HDAC4: variants seen among roughly 807,000 people sequenced by gnomAD.
HDAC4 encodes the protein histone deacetylase A.
In HDAC4, 16 loss-of-function variants were observed where a neutral mutation model predicts 135.1. The ratio of observed to expected loss-of-function variants is 0.12; its 90% CI spans 0.08 to 0.18. The LOEUF (loss-of-function observed/expected upper bound fraction) is 0.18. HDAC4 is among the 10% of genes least tolerant of loss of function. The pLI is 1.00. For missense variants in HDAC4, 1,143 were observed against 1,511.8 expected (o/e 0.76, Z 4.05); for synonymous variants, 685 against 653.4 (o/e 1.05, Z -0.74).
rs2152721548 is a variant in HDAC4, at chr2:239,090,025, G to A, written c.2372C>T (p.Ala791Val). Reference protein sequence around the residue: ...GCVVELVFKVATGELKNGFAV... With the variant: ...GCVVELVFKVVTGELKNGFAV... ...CCGACTGACCTTCAGCTCCCCTGTG[G>A]CCACCTTGAAGACCAGCTCTACCAC... Residue 791 changes from alanine (A) to valine (V), a missense_variant, in exon 18 of 27, where the codon GCC (alanine) becomes GTC (valine). By Grantham distance (64) the Ala-to-Val change is moderately conservative. Around this residue, in one of 9 missense-constraint regions of HDAC4, gnomAD observed 189 missense variants for 317.6 expected, o/e 0.60. Coordinates refer to ENST00000543185, the MANE Select transcript of HDAC4 (RefSeq NM_001378414.1). 2 of 1,613,466 alleles carry A rather than the reference G, an allele frequency of 1.2e-6. No homozygotes were observed. Among genetic ancestry groups the A allele is most frequent in the Non-Finnish European group, 1.7e-6 (2 of 1,179,618 alleles).
chr2:239,243,395 G>A lies in HDAC4; in HGVS notation c.23-6731C>T, dbSNP rs532348941. ...TCTCGATCTCCTGACCTTGTGATCC[G>A]CCTGCCTCGGCCTCCCAAAGTGCTG... On this transcript the variant is annotated intron_variant, in intron 2 of 26. Coordinates refer to ENST00000543185, the MANE Select transcript of HDAC4 (RefSeq NM_001378414.1). Among the ~76,000 whole-genome samples, 13 of 152,214 alleles carry A rather than the reference G, an allele frequency of 8.5e-5. 1 individual carries two copies. Among genetic ancestry groups the A allele is most frequent in the Middle Eastern group, 3.4e-3 (1 of 294 alleles).
Position 239,303,120 on chromosome 2 carries a change from A to G in HDAC4, c.22+49558T>C, listed in dbSNP as rs984709918. ...CTCAGGGTTCAGGGTGGGCCCCTGG[A>G]TTCAAAGTGGCAACAGAGCCTGACT... On this transcript the variant is annotated intron_variant, in intron 2 of 26. Coordinates refer to ENST00000543185, the MANE Select transcript of HDAC4 (RefSeq NM_001378414.1). The surrounding 1 kb of genome is among the most constrained non-coding windows in gnomAD (Gnocchi z 5.1). 1.4e-4 allele frequency among the ~76,000 whole-genome samples: 21 copies of G among 152,110 alleles called. No homozygotes were observed. Among genetic ancestry groups the G allele is most frequent in the African/African-American group, 4.1e-4 (17 of 41,426 alleles).
chr2:239,368,204 A>G (rs996510214), intron 1 of HDAC4, among the ~76,000 whole-genome samples: 1 of 151,956 alleles, frequency 6.6e-6, no homozygotes, highest in Non-Finnish European at 1.5e-5. Context: ...AGGGCTCCGG[A>G]GTTTGAGAAC....
At position 239,233,596 on chromosome 2, in the gene HDAC4, C is replaced by T. The variant is rs72988697; in HGVS notation, c.94+2997G>A. 8.0e-3 allele frequency among the ~76,000 whole-genome samples: 1,221 copies of T among 152,182 alleles called. 7 individuals are homozygous for T. The highest frequency in any genetic ancestry group is 0.013 in the Non-Finnish European group (857 of 67,998). On this transcript the variant is annotated intron_variant, in intron 3 of 26. Coordinates refer to ENST00000543185, the MANE Select transcript of HDAC4 (RefSeq NM_001378414.1). ...GTTTCTAAAATCTCAAGATGGCACA[C>T]GAATACATGGTATGAATAATGCTTT...
chr2:239,330,706 G>C (rs754949837), intron 2 of HDAC4, among the ~76,000 whole-genome samples: 80 of 152,344 alleles, frequency 5.3e-4, no homozygotes, highest in Non-Finnish European at 1.0e-3. Flanking sequence ...ATGAGGCCTG[G>C]CCTTCTACAG....
intron 5 of HDAC4, among the ~76,000 whole-genome samples, chr2:239,164,493 CTG>C (rs2043008688): frequency 6.6e-6 from 1 of 152,250 alleles, no homozygotes; most frequent in Non-Finnish European, 1.5e-5. Context: ...GAAGTCGAAA[CTG>C]TGGTTTTCTT....
intron 2 of HDAC4, among the ~76,000 whole-genome samples, chr2:239,282,835 T>TACAC (rs1242952467): frequency 2.0e-5 from 3 of 146,846 alleles, no homozygotes; most frequent in Non-Finnish European, 4.5e-5. Flanking sequence ...CACACCACTC[T>TACAC]ACAATGTACA....
At chr2:239,195,359 T>C (rs2045308010) in intron 3 of HDAC4, among the ~76,000 whole-genome samples, 1 of 152,182 alleles carries the variant, frequency 6.6e-6, no homozygotes, top group African/African-American at 2.4e-5. Flanking sequence ...TTATGTTGGA[T>C]TCAATAACAC....
intron 1 of HDAC4, among the ~76,000 whole-genome samples, chr2:239,396,723 T>A (rs1056077392): frequency 2.6e-5 from 4 of 152,248 alleles, no homozygotes; most frequent in African/African-American, 4.8e-5. Flanking sequence ...AGAGATTTTT[T>A]AAAAAACTCT....
intron 1 of HDAC4, among the ~76,000 whole-genome samples, chr2:239,370,447 C>T (rs58140407): frequency 0.083 from 12,681 of 152,234 alleles, 1,801 homozygotes; most frequent in African/African-American, 0.29. Context: ...ACTTGTAAAA[C>T]TGGATTTGCC....
At chr2:239,277,210 G>A (rs2050421263) in intron 2 of HDAC4, among the ~76,000 whole-genome samples, 1 of 152,214 alleles carries the variant, frequency 6.6e-6, no homozygotes, top group Non-Finnish European at 1.5e-5. Context: ...GTATTTGGAG[G>A]ACAACCATGC....
intron 12 of HDAC4, among the ~76,000 whole-genome samples, chr2:239,120,305 G>C (rs2039524477): frequency 6.6e-6 from 1 of 152,068 alleles, no homozygotes; most frequent in Non-Finnish European, 1.5e-5. Flanking sequence ...GGGACCAGTG[G>C]TAGGGTGTCG....
chr2:239,177,382 C>T (rs1424074711), intron 4 of HDAC4, among the ~76,000 whole-genome samples: 2 of 152,150 alleles, frequency 1.3e-5, no homozygotes, highest in African/African-American at 4.8e-5. Context: ...GGAGGTGAAA[C>T]CCAAAAATAT....
At chr2:239,080,886 G>T in intron 22 of HDAC4, 1 of 585,360 alleles carries the variant, frequency 1.7e-6, no homozygotes, top group Non-Finnish European at 3.0e-6. Context: ...TGCACAAAAG[G>T]GAGCACTAAG....
intron 2 of HDAC4, among the ~76,000 whole-genome samples, chr2:239,257,234 C>G (rs548910630): frequency 2.1e-5 from 3 of 145,914 alleles, no homozygotes; most frequent in Non-Finnish European, 4.6e-5. Context: ...TCAAAAAACA[C>G]AAGTGCAAAA....
At chr2:239,144,165 C>T (rs1025927613) in intron 8 of HDAC4, among the ~76,000 whole-genome samples, 6 of 152,182 alleles carry the variant, frequency 3.9e-5, no homozygotes, top group East Asian at 1.9e-4. Flanking sequence ...CGTGGGAAGA[C>T]GTTAAAATGC....
At chr2:239,264,944 C>A (rs999262087) in intron 2 of HDAC4, among the ~76,000 whole-genome samples, 1 of 152,234 alleles carries the variant, frequency 6.6e-6, no homozygotes, top group Non-Finnish European at 1.5e-5. Flanking sequence ...CCTCTCAGAA[C>A]TGTCCAGCTT....
At chr2:239,180,548 C>T (rs186986105) in intron 4 of HDAC4, among the ~76,000 whole-genome samples, 26 of 152,342 alleles carry the variant, frequency 1.7e-4, no homozygotes, top group Admixed American at 1.2e-3. Context: ...CGATGTTAAA[C>T]GTAACATCAA....
intron 1 of HDAC4, among the ~76,000 whole-genome samples, chr2:239,388,458 C>G (rs1012948679): frequency 4.6e-5 from 7 of 152,250 alleles, no homozygotes; most frequent in Admixed American, 4.6e-4. Flanking sequence ...CACCTGCCCA[C>G]CTCTGCATGG....
Sources: allele counts gnomAD v4.1 joint callset (sites outside exome capture counted in the v4.1 genomes callset), GRCh38; gene constraint gnomAD v4.1.1; regional missense constraint gnomAD v4.1.1; non-coding constraint Gnocchi (gnomAD v3.1); transcripts MANE v1.5; gene names NCBI Gene and HGNC (gene_info 2026-07-23, HGNC 2026-07-21).